Variants in MRC2 observed in about 807,000 individuals in gnomAD.
MRC2 encodes C-type mannose receptor 2.
MRC2 carries 84 observed loss-of-function variants against 206.2 expected under a neutral mutation model. That is an observed-to-expected ratio of 0.41 (90% CI 0.34 to 0.49). MRC2 has a LOEUF of 0.49. Ranked by LOEUF, MRC2 falls within the 20% of genes least tolerant of loss-of-function variation. The pLI is 0.31. For synonymous variants in MRC2, 798 were observed against 800.0 expected, an observed-to-expected ratio of 1.00 and a Z score of 0.04; for missense variants, 1,676 against 2,001.5, an observed-to-expected ratio of 0.84 and a Z score of 3.10.
intron 1 of MRC2, among the ~76,000 whole-genome samples, chr17:62,643,785 T>C (rs1248653403): frequency 6.6e-6 from 1 of 152,150 alleles, no homozygotes; most frequent in African/African-American, 2.4e-5. Flanking sequence ...GTTAAAGTAA[T>C]AGCTAGGAAA....
chr17:62,680,224 T>A lies in MRC2; in HGVS notation c.2353T>A (p.Cys785Ser), dbSNP rs2088945928. ...SRHDDDDIRG[C>S]AVLDLASLQW... ...GCACGACGACGACGACATCCGAGGC[T>A]GTGCGGTGCTGGACCTGGCCTCCCT... The change falls in exon 15 of 30, where the codon TGT (cysteine) becomes AGT (serine). Residue 785 changes from cysteine to serine, a missense_variant. This residue lies in a region of MRC2 where 1,354 missense variants were observed against 1,636.6 expected (regional missense o/e 0.83). Coordinates refer to ENST00000303375, the MANE Select transcript of MRC2 (RefSeq NM_006039.5). The surrounding 1 kb of genome is among the most constrained non-coding windows in gnomAD (Gnocchi z 4.8). 2 of 1,614,114 alleles carry A rather than the reference T, an allele frequency of 1.2e-6. No homozygotes were observed. The highest frequency in any genetic ancestry group is 3.3e-5 in the Admixed American group (2 of 60,020).
rs2088950072 is a variant in MRC2 at position 62,680,472 on chromosome 17, A to G, written c.2473+19A>G. On this transcript the variant is annotated intron_variant, in intron 16 of 29. Transcript: ENST00000303375. The surrounding 1 kb of genome is among the most constrained non-coding windows in gnomAD (Gnocchi z 4.8). ...CCTCAAGGTGAGCACCCCCCAGCCC[A>G]TCCCGCTACCCATCGCGTGGGAGAG... The G allele has an allele frequency of 6.2e-7, 1 of 1,613,820 alleles. No homozygotes were observed. The highest frequency in any genetic ancestry group is 8.5e-7 in the Non-Finnish European group (1 of 1,179,910).
At chr17:62,657,104 CATCCACAT>C (rs2088627498) in intron 1 of MRC2, among the ~76,000 whole-genome samples, 1 of 152,150 alleles carries the variant, frequency 6.6e-6, no homozygotes, top group Admixed American at 6.5e-5. Flanking sequence ...CCCACCCACA[CATCCACAT>C]AGCCAGAGGT....
chr17:62,690,662 A>G lies in MRC2; in HGVS notation c.3913A>G (p.Ile1305Val), dbSNP rs1234774217. The G allele has an allele frequency of 6.2e-7, 1 of 1,612,146 alleles. No individual in the cohort carries two copies. Among genetic ancestry groups the G allele is most frequent in the Non-Finnish European group, 8.5e-7 (1 of 1,179,102 alleles). ...CQRAGGAVLS[I>V]LDEMENVFVW... ...TCCAGCGGGTGGGGCCGTCCTGTCT[A>G]TCCTGGATGAGATGGAGAATGTGTT... The change falls in exon 27 of 30, where the codon ATC becomes GTC. Residue 1305 changes from isoleucine to valine, a missense_variant. By Grantham distance (29) the Ile-to-Val change is conservative. Transcript: ENST00000303375.
Position 62,671,803 on chromosome 17 carries a change from G to A in MRC2, c.1272G>A (p.Ala424=), listed in dbSNP as rs117741280. 739 of 1,606,802 alleles carry A rather than the reference G, an allele frequency of 4.6e-4. 3 individuals are homozygous for A. In the African/African-American group the frequency reaches 6.2e-3, roughly 13 times the overall value. ...GGDLVSIHSM[A]ELEFITKQIK... is the part of the protein sequence containing the mutation. ...ACCTGGTCAGCATCCACAGCATGGC[G>A]GAGCTGGAATTCATCACCAAGCAGA... Residue 424 remains alanine (A), a synonymous_variant, in exon 7 of 30, where the codon GCG becomes GCA. Transcript: ENST00000303375. The surrounding 1 kb of genome is among the most constrained non-coding windows in gnomAD (Gnocchi z 4.5).
chr17:62,683,234 T>A (rs2088991654), intron 20 of MRC2, among the ~76,000 whole-genome samples: 1 of 152,084 alleles, frequency 6.6e-6, no homozygotes, highest in Admixed American at 6.5e-5. Flanking sequence ...TTTGGGAGGC[T>A]GAGGCGGGTG....
In MRC2 at chr17:62,645,523, A is replaced by AT. The variant is rs1275675979; in HGVS notation, c.118+17604dup. Among the ~76,000 whole-genome samples the AT allele has an allele frequency of 9.7e-3, 387 of 40,000 alleles. 5 individuals carry two copies. The highest frequency in any genetic ancestry group is 0.014 in the Non-Finnish European group (286 of 20,922). 26.2% of individuals were successfully genotyped at this position (40,000 alleles called of 152,430 possible). ...TATATATATATATATATATATATAT[A>AT]TATATTTTTTTTTTTTTTTTTTTTT... On this transcript the variant is annotated intron_variant, in intron 1 of 29. Transcript: ENST00000303375.
At position 62,680,501 on chromosome 17, in the gene MRC2, G is replaced by T. The variant is rs752100922; in HGVS notation, c.2473+48G>T. 2 of 1,610,376 alleles carry T rather than the reference G, an allele frequency of 1.2e-6. No individual in the cohort carries two copies. Among genetic ancestry groups the T allele is most frequent in the African/African-American group, 2.7e-5 (2 of 75,024 alleles). ...CGCTACCCATCGCGTGGGAGAGGGC[G>T]TCAACTCTGGGGTAAGTCCCGAGAG... On this transcript the variant is annotated intron_variant, in intron 16 of 29. Coordinates refer to ENST00000303375, the MANE Select transcript of MRC2 (RefSeq NM_006039.5). The surrounding 1 kb of genome is among the most constrained non-coding windows in gnomAD (Gnocchi z 4.8).
chr17:62,627,698 G>T lies in MRC2; in HGVS notation c.-105G>T. 1 of 798,760 alleles carries T rather than the reference G, an allele frequency of 1.3e-6. No homozygotes were observed. The highest frequency in any genetic ancestry group is 1.7e-6 in the Non-Finnish European group (1 of 571,666). The allele number at this position is 798,760 out of a possible 1,614,324, so 49.5% of individuals were successfully genotyped here. ...ACTTCGTCCCGACCCGGAGGAGGAC[G>T]CGAGCCCCTTGCGGGCGGTCATCAC... On this transcript the variant is annotated 5_prime_UTR_variant, in exon 1 of 30. Transcript: ENST00000303375.
intron 1 of MRC2, among the ~76,000 whole-genome samples, chr17:62,631,990 A>G (rs534835907): frequency 2.0e-5 from 3 of 152,142 alleles, no homozygotes; most frequent in Admixed American, 2.0e-4. Context: ...CACTGCTGAT[A>G]GGAAGCGTGT....
chr17:62,690,510 AC>A lies in MRC2; in HGVS notation c.3893-131del. 3.6e-6 allele frequency: 5 copies of A among 1,406,696 alleles called. No individual in the cohort carries two copies. The Admixed American group carries it at 9.0e-5, about 25-fold the overall frequency. The allele number at this position is 1,406,696 out of a possible 1,614,324, so 87.1% of individuals were successfully genotyped here. A position where few individuals can be genotyped will look rare whatever the true frequency, so the allele number is the denominator to read the frequency against. ...CCCACACACTTGCACATGTGCACAC[AC>A]ACACACATGAATCCACAGACTCCAC... On this transcript the variant is annotated intron_variant, in intron 26 of 29. Coordinates refer to ENST00000303375, the MANE Select transcript of MRC2 (RefSeq NM_006039.5).
At chr17:62,674,592 G>A (rs2088867544) in intron 9 of MRC2, among the ~76,000 whole-genome samples, 1 of 152,196 alleles carries the variant, frequency 6.6e-6, no homozygotes, top group African/African-American at 2.4e-5. Flanking sequence ...CAGGGCGTGT[G>A]CTGGTCTGTC....
At chr17:62,641,331 A>G (rs932966373) in intron 1 of MRC2, among the ~76,000 whole-genome samples, 9 of 151,426 alleles carry the variant, frequency 5.9e-5, no homozygotes, top group Non-Finnish European at 1.0e-4. Context: ...AAAAAAAAAA[A>G]AGAGAAGAAA....
rs752353046 is a variant in MRC2 at position 62,667,559 on chromosome 17, TG to T, written c.1117+30del. On this transcript the variant is annotated intron_variant, in intron 6 of 29. Coordinates refer to ENST00000303375, the MANE Select transcript of MRC2 (RefSeq NM_006039.5). This position sits in a 1 kb window ranked among gnomAD's most constrained non-coding sequence, Gnocchi z 4.1. Reference sequence around the variant, plus strand: ...GTGAGCCAGGGACTGTGCCGCAGGGTGGGGAGGGGCTCCCAGGGCCAGGGAC... The same window carrying T: ...GTGAGCCAGGGACTGTGCCGCAGGGTGGGAGGGGCTCCCAGGGCCAGGGAC... 6.3e-7 allele frequency: 1 copy of T among 1,585,202 alleles called. No individual in the cohort carries two copies. The highest frequency in any genetic ancestry group is 8.5e-7 in the Non-Finnish European group (1 of 1,172,052).
chr17:62,650,335 CTG>C (rs1217007257), intron 1 of MRC2, among the ~76,000 whole-genome samples: 4 of 152,234 alleles, frequency 2.6e-5, no homozygotes, highest in African/African-American at 7.2e-5. Context: ...TGGGTGGAGA[CTG>C]TGGCAAACCG....
chr17:62,679,968 C>A, intron 14 of MRC2, 66 bp downstream of exon 14: 2 of 566,978 alleles, frequency 3.5e-6, no homozygotes, highest in Non-Finnish European at 3.0e-6. Flanking sequence ...CTGTTTGGGG[C>A]GGGGCCTGGA....
In MRC2 at chr17:62,652,298, C is replaced by A. The variant is rs1184447265; in HGVS notation, c.119-12250C>A. Reference sequence around the variant, plus strand: ...AGAAAGGGCAGGCGCACAACACCCCCGCACGGAGAAATGAACAGGTGTGGC... The same window carrying A: ...AGAAAGGGCAGGCGCACAACACCCCAGCACGGAGAAATGAACAGGTGTGGC... On this transcript the variant is annotated intron_variant, in intron 1 of 29. Transcript: ENST00000303375. The surrounding 1 kb of genome is among the most constrained non-coding windows in gnomAD (Gnocchi z 4.6). Among the ~76,000 whole-genome samples the A allele has an allele frequency of 6.6e-6, 1 of 152,264 alleles. No homozygotes were observed. Among genetic ancestry groups the A allele is most frequent in the Non-Finnish European group, 1.5e-5 (1 of 68,048 alleles).
At chr17:62,683,245 A>G (rs1598995109) in intron 20 of MRC2, among the ~76,000 whole-genome samples, 1 of 149,764 alleles carries the variant, frequency 6.7e-6, no homozygotes, top group South Asian at 2.1e-4. Context: ...GAGGCGGGTG[A>G]ATCACCTGAG....
At chr17:62,685,010 T>C (rs1430205892) in intron 20 of MRC2, among the ~76,000 whole-genome samples, 3 of 152,098 alleles carry the variant, frequency 2.0e-5, no homozygotes, top group Non-Finnish European at 4.4e-5. Flanking sequence ...GGCATGGTGG[T>C]GGACGCCTGT....
Sources: allele counts gnomAD v4.1 joint callset (sites outside exome capture counted in the v4.1 genomes callset), GRCh38; gene constraint gnomAD v4.1.1; regional missense constraint gnomAD v4.1.1; non-coding constraint Gnocchi (gnomAD v3.1); transcripts MANE v1.5; gene names NCBI Gene and HGNC (gene_info 2026-07-23, HGNC 2026-07-21).